The following MTHFSD variants were observed in gnomAD, a reference collection of about 807,000 sequenced individuals.
The protein encoded by MTHFSD is methenyltetrahydrofolate synthase domain-containing protein.
MTHFSD carries 37 observed loss-of-function variants against 31.1 expected under a neutral mutation model. The observed-to-expected ratio is 1.19, with a 90% CI of 0.91 to 1.56. MTHFSD has a LOEUF of 1.56. Ranked by LOEUF, MTHFSD falls within the 40% of genes most tolerant of loss-of-function variation. The pLI is 0.00. For missense variants in MTHFSD, 664 were observed against 510.1 expected (o/e 1.30, Z -2.91); for synonymous variants, 221 against 206.9 (o/e 1.07, Z -0.59).
chr16:86,537,574 C>G (rs150515168), intron 7 of MTHFSD, among the ~76,000 whole-genome samples: 1 of 152,326 alleles, frequency 6.6e-6, no homozygotes, highest in African/African-American at 2.4e-5. Context: ...TCTAAACATA[C>G]TGGCCCAGTT....
Position 86,542,246 on chromosome 16 carries a change from C to T in MTHFSD, c.443-33G>A, listed in dbSNP as rs757364211. On this transcript the variant is annotated intron_variant, in intron 5 of 7. Coordinates refer to ENST00000360900, the MANE Select transcript of MTHFSD (RefSeq NM_001159377.2). The surrounding 1 kb of genome is among the most constrained non-coding windows in gnomAD (Gnocchi z 4.6). Reference sequence around the variant, plus strand: ...ACAACCGAGAATCAGTATCGCTGTGCGGTCCGGGGCATCGCTGAGAAGTGG... The same window carrying T: ...ACAACCGAGAATCAGTATCGCTGTGTGGTCCGGGGCATCGCTGAGAAGTGG... The T allele has an allele frequency of 1.0e-5, 16 of 1,556,460 alleles. No individual in the cohort carries two copies. The African/African-American group carries it at 1.1e-4, about 11-fold the overall frequency.
chr16:86,553,082 G>A (rs1028401754), intron 2 of MTHFSD, among the ~76,000 whole-genome samples: 24 of 152,248 alleles, frequency 1.6e-4, no homozygotes, highest in Admixed American at 1.4e-3. Flanking sequence ...TCCTTAGGCT[G>A]GCAAGGCATT....
rs1381531066 is a variant in MTHFSD at position 86,542,702 on chromosome 16, A to G, written c.443-489T>C. On this transcript the variant is annotated intron_variant, in intron 5 of 7. Coordinates refer to ENST00000360900, the MANE Select transcript of MTHFSD (RefSeq NM_001159377.2). The surrounding 1 kb of genome is among the most constrained non-coding windows in gnomAD (Gnocchi z 4.6). ...CACTGAATACTCACCACTAGATACC[A>G]GGTCCTGAGGGACGGTTTAAGCAGT... 1.3e-5 allele frequency among the ~76,000 whole-genome samples: 2 copies of G among 152,242 alleles called. No homozygotes were observed. The highest frequency in any genetic ancestry group is 2.4e-5 in the African/African-American group (1 of 41,460).
rs941800598 is a variant in MTHFSD, at chr16:86,532,186, A to G, written c.977T>C (p.Leu326Pro). 1 of 1,578,560 alleles carries G rather than the reference A, an allele frequency of 6.3e-7. No homozygotes were observed. The highest frequency in any genetic ancestry group is 8.6e-7 in the Non-Finnish European group (1 of 1,162,338). ...CAGGGGCACGGAGCCGAGTTCCCGC[A>G]GGGCTCTCTTCAGGTCACTCACACG... ...DARVSDLKRA[L>P]RELGSVPLRL... Residue 326 changes from leucine to proline, a missense_variant, in exon 8 of 8, where the codon CTG becomes CCG. Coordinates refer to ENST00000360900, the MANE Select transcript of MTHFSD (RefSeq NM_001159377.2).
intron 3 of MTHFSD, 96 bp downstream of exon 3, chr16:86,551,937 C>T (rs1000030343): frequency 6.7e-5 from 102 of 1,531,998 alleles, no homozygotes; most frequent in Middle Eastern, 4.6e-4. Context: ...CACCGACTTT[C>T]TAAATGCAAG....
intron 7 of MTHFSD, among the ~76,000 whole-genome samples, chr16:86,538,905 G>A (rs1408272271): frequency 6.6e-6 from 1 of 152,148 alleles, no homozygotes; most frequent in Non-Finnish European, 1.5e-5. Context: ...TGAGTTTCAC[G>A]GGTCTGTGGG....
chr16:86,550,247 A>T (rs1311449863), intron 3 of MTHFSD, among the ~76,000 whole-genome samples: 1 of 152,250 alleles, frequency 6.6e-6, no homozygotes, highest in Admixed American at 6.5e-5. Flanking sequence ...CTCAGGGACC[A>T]CATGTGTGTA....
rs1434858150 is a variant in MTHFSD, at chr16:86,531,916, G to A, written c.*95C>T. On this transcript the variant is annotated 3_prime_UTR_variant, in exon 8 of 8. Coordinates refer to ENST00000360900, the MANE Select transcript of MTHFSD (RefSeq NM_001159377.2). This position sits in a 1 kb window ranked among gnomAD's most constrained non-coding sequence, Gnocchi z 5.5. ...GCAGCTCAGGCGGTGGCTCCGACAC[G>A]TCTTGCCACGCAGGCCTCTCGAGTG... 13 of 846,404 alleles carry A rather than the reference G, an allele frequency of 1.5e-5. No individual in the cohort carries two copies. Among genetic ancestry groups the A allele is most frequent in the South Asian group, 2.4e-5 (1 of 41,076 alleles). 52.4% of individuals were successfully genotyped at this position (846,404 alleles called of 1,614,324 possible). A position where few individuals can be genotyped will look rare whatever the true frequency, so the allele number is the denominator to read the frequency against.
intron 5 of MTHFSD, among the ~76,000 whole-genome samples, chr16:86,543,055 T>A (rs904039601): frequency 6.6e-6 from 1 of 152,176 alleles, no homozygotes; most frequent in Non-Finnish European, 1.5e-5. Context: ...AACCTTCAAC[T>A]GTGCATGCAG....
rs1249925668 is a variant in MTHFSD, at chr16:86,542,728, A to T, written c.443-515T>A. Among the ~76,000 whole-genome samples the T allele has an allele frequency of 6.6e-6, 1 of 152,260 alleles. No individual in the cohort carries two copies. The highest frequency in any genetic ancestry group is 1.9e-4 in the East Asian group (1 of 5,198). ...GGTCCTGAGGGACGGTTTAAGCAGT[A>T]CTAAAGCGTTTTGCAAATTTGTAAT... On this transcript the variant is annotated intron_variant, in intron 5 of 7. Transcript: ENST00000360900. The surrounding 1 kb of genome is among the most constrained non-coding windows in gnomAD (Gnocchi z 4.6).
intron 3 of MTHFSD, among the ~76,000 whole-genome samples, chr16:86,550,386 T>C (rs1972965681): frequency 6.6e-6 from 1 of 152,236 alleles, no homozygotes; most frequent in African/African-American, 2.4e-5. Flanking sequence ...GCTGCACCCC[T>C]CTTCCAGGCC....
chr16:86,547,366 G>A (rs373876215), intron 4 of MTHFSD: 33 of 985,596 alleles, frequency 3.3e-5, no homozygotes, highest in Non-Finnish European at 3.9e-5. Context: ...TTTCAGTCCC[G>A]TATCCAGCAG....
At position 86,532,535 on chromosome 16, in the gene MTHFSD, G is replaced by A. The variant is rs945687433; in HGVS notation, c.682-54C>T. On this transcript the variant is annotated intron_variant, in intron 7 of 7. Coordinates refer to ENST00000360900, the MANE Select transcript of MTHFSD (RefSeq NM_001159377.2). Reference sequence around the variant, plus strand: ...CAGGGACAGAATCGCAGGGGCACCTGCCACACACGCATCCACACCTCTGAC... The same window carrying A: ...CAGGGACAGAATCGCAGGGGCACCTACCACACACGCATCCACACCTCTGAC... 5 of 1,322,574 alleles carry A rather than the reference G, an allele frequency of 3.8e-6. No homozygotes were observed. In the African/African-American group the frequency reaches 6.0e-5, roughly 16 times the overall value. The allele number at this position is 1,322,574 out of a possible 1,614,324, so 81.9% of individuals were successfully genotyped here.
At chr16:86,546,495 C>T (rs757058667) in intron 5 of MTHFSD, 64 bp downstream of exon 5, 88 of 1,429,326 alleles carry the variant, frequency 6.2e-5, no homozygotes, top group Non-Finnish European at 8.4e-5. Context: ...AGACAAACAG[C>T]CTGGCACGCA....
At chr16:86,541,263 A>G in intron 7 of MTHFSD, 1 of 1,228,506 alleles carries the variant, frequency 8.1e-7, no homozygotes, top group Non-Finnish European at 1.0e-6. Flanking sequence ...TACTCAGGCT[A>G]GATCTGCTTG....
At chr16:86,532,503 G>C in intron 7 of MTHFSD, 22 bp from the exon 8 acceptor site, 1 of 1,390,462 alleles carries the variant, frequency 7.2e-7, no homozygotes, top group Non-Finnish European at 9.3e-7. Context: ...AGCAGTTGCA[G>C]CTCTTTCAGG....
At chr16:86,535,232 G>A in intron 7 of MTHFSD, 1 of 985,370 alleles carries the variant, frequency 1.0e-6, no homozygotes, top group Non-Finnish European at 1.2e-6. Context: ...AAATGTGGAA[G>A]TGTGTTCCAC....
intron 5 of MTHFSD, among the ~76,000 whole-genome samples, chr16:86,546,306 C>G (rs1224584753): frequency 6.6e-6 from 1 of 152,242 alleles, no homozygotes; most frequent in Non-Finnish European, 1.5e-5. Flanking sequence ...CTTTCACCAC[C>G]TGAACAGAGA....
chr16:86,551,406 A>G lies in MTHFSD; in HGVS notation c.237+627T>C, dbSNP rs373240139. Among the ~76,000 whole-genome samples, 40 of 152,342 alleles carry G rather than the reference A, an allele frequency of 2.6e-4. No individual in the cohort carries two copies. In the East Asian group the frequency reaches 4.8e-3, roughly 18 times the overall value. On this transcript the variant is annotated intron_variant, in intron 3 of 7. Coordinates refer to ENST00000360900, the MANE Select transcript of MTHFSD (RefSeq NM_001159377.2). ...TCATAATACCACAACTGTGGCAAAAAGAACTAAATCTTCCTTGTAATCTTC... is the reference window on the plus strand; with the variant it reads ...TCATAATACCACAACTGTGGCAAAAGGAACTAAATCTTCCTTGTAATCTTC...
Sources: allele counts gnomAD v4.1 joint callset (sites outside exome capture counted in the v4.1 genomes callset), GRCh38; gene constraint gnomAD v4.1.1; non-coding constraint Gnocchi (gnomAD v3.1); transcripts MANE v1.5; gene names NCBI Gene and HGNC (gene_info 2026-07-23, HGNC 2026-07-21).